Variants in TTLL11 observed in about 807,000 individuals in gnomAD.
The protein encoded by TTLL11 is tubulin polyglutamylase TTLL11.
In TTLL11, 42 loss-of-function variants were observed where a neutral mutation model predicts 51.7. That is an observed-to-expected ratio of 0.81 (90% CI 0.64 to 1.05). The LOEUF (loss-of-function observed/expected upper bound fraction) is 1.05. Among genes scored for constraint, TTLL11 ranks in the 50% least tolerant of loss-of-function variants. TTLL11 has a pLI of 0.00. For missense variants in TTLL11, 799 were observed against 940.4 expected (o/e 0.85, Z 1.97); for synonymous variants, 381 against 383.5 (o/e 0.99, Z 0.08).
Position 121,819,130 on chromosome 9 carries a change from C to G in TTLL11, c.*3457G>C, listed in dbSNP as rs1836496225. The G allele has an allele frequency of 6.6e-6, 1 of 152,526 alleles. No homozygotes were observed. Among genetic ancestry groups the G allele is most frequent in the Non-Finnish European group, 1.5e-5 (1 of 68,354 alleles). 9.4% of individuals were successfully genotyped at this position (152,526 alleles called of 1,614,324 possible). A position where few individuals can be genotyped will look rare whatever the true frequency, so the allele number is the denominator to read the frequency against. On this transcript the variant is annotated 3_prime_UTR_variant, in exon 9 of 9. Transcript: ENST00000321582. Reference sequence around the variant, plus strand: ...CTCCTGGAGGCCCTGCCTCTGCCCACTGGGAGGGGTCTGTTGGGACCAGCA... The same window carrying G: ...CTCCTGGAGGCCCTGCCTCTGCCCAGTGGGAGGGGTCTGTTGGGACCAGCA...
At chr9:122,025,838 C>G (rs1034555578) in intron 3 of TTLL11, among the ~76,000 whole-genome samples, 3 of 152,106 alleles carry the variant, frequency 2.0e-5, no homozygotes, top group African/African-American at 7.2e-5. Context: ...AAAGACTTAC[C>G]ACAGGTGTTC....
chr9:122,000,922 A>G (rs934879613), intron 3 of TTLL11, among the ~76,000 whole-genome samples: 7 of 152,254 alleles, frequency 4.6e-5, no homozygotes, highest in Admixed American at 3.3e-4. Context: ...GTAATACATA[A>G]CAGTAACAAC....
At chr9:121,826,557 G>GTGTGTGTATATA (rs1189626793) in intron 8 of TTLL11, among the ~76,000 whole-genome samples, 2 of 51,346 alleles carry the variant, frequency 3.9e-5, no homozygotes, top group African/African-American at 1.4e-4. Flanking sequence ...ATATGTGTGT[G>GTGTGTGTATATA]TATATATATA....
chr9:121,929,462 T>C (rs1331812033), intron 6 of TTLL11, among the ~76,000 whole-genome samples: 1 of 151,998 alleles, frequency 6.6e-6, no homozygotes, highest in Non-Finnish European at 1.5e-5. Context: ...AGTTACATAT[T>C]TTATTTTAGG....
At chr9:122,000,017 T>C (rs895996321) in intron 3 of TTLL11, among the ~76,000 whole-genome samples, 12 of 152,198 alleles carry the variant, frequency 7.9e-5, no homozygotes, top group Admixed American at 7.9e-4. Context: ...TATTAATACA[T>C]CTTAATACTT....
chr9:121,860,235 T>C, intron 8 of TTLL11, 102 bp downstream of exon 8: 1 of 851,948 alleles, frequency 1.2e-6, no homozygotes, highest in Non-Finnish European at 1.8e-6. Flanking sequence ...GATGGCATCA[T>C]CTTCTTCCCC....
chr9:122,004,762 G>A (rs1243540360), intron 3 of TTLL11, among the ~76,000 whole-genome samples: 2 of 152,208 alleles, frequency 1.3e-5, no homozygotes, highest in African/African-American at 4.8e-5. Flanking sequence ...CAGCCCCAGG[G>A]CCCAAGTCTT....
Position 122,092,696 on chromosome 9 carries a change from C to A in TTLL11, c.453G>T (p.Lys151Asn). 2 of 1,537,298 alleles carry A rather than the reference C, an allele frequency of 1.3e-6. No homozygotes were observed. ...TCGGGCCGGGCCTCACCTCCTTCCA[C>A]TTGAGCTGGCGGATGCTGATCTTCA... ...DALKISIRQLKWKEFPFGRRL... is the reference protein window; with the variant it reads ...DALKISIRQLNWKEFPFGRRL... Residue 151 changes from lysine to asparagine, a missense_variant, in exon 1 of 9, where the codon AAG (lysine) becomes AAT (asparagine). By Grantham distance (94) the Lys-to-Asn change is moderately conservative. Around this residue, in one of 3 missense-constraint regions of TTLL11, gnomAD observed 468 missense variants for 612.8 expected, o/e 0.76. Transcript: ENST00000321582.
At chr9:121,906,435 C>T (rs1206241740) in intron 6 of TTLL11, among the ~76,000 whole-genome samples, 1 of 152,160 alleles carries the variant, frequency 6.6e-6, no homozygotes, top group Non-Finnish European at 1.5e-5. Context: ...TGCTCATCAC[C>T]AGTGCCTCAT....
intron 6 of TTLL11, among the ~76,000 whole-genome samples, chr9:121,952,305 G>A (rs1442165473): frequency 3.9e-5 from 6 of 152,080 alleles, no homozygotes; most frequent in Admixed American, 3.3e-4. Context: ...AATTAGCCAC[G>A]TGTGGTGGCA....
At chr9:121,861,369 G>A (rs560400560) in intron 7 of TTLL11, among the ~76,000 whole-genome samples, 2 of 152,288 alleles carry the variant, frequency 1.3e-5, no homozygotes, top group South Asian at 2.1e-4. Flanking sequence ...GAGCCACTGT[G>A]CCTGGCCAGG....
chr9:122,083,303 C>T (rs1846045051), intron 1 of TTLL11, among the ~76,000 whole-genome samples: 1 of 152,088 alleles, frequency 6.6e-6, no homozygotes, highest in South Asian at 2.1e-4. Flanking sequence ...ACCACATGCT[C>T]TTTCCCTCCC....
chr9:121,988,036 C>T (rs1842982743), intron 4 of TTLL11, among the ~76,000 whole-genome samples: 2 of 152,090 alleles, frequency 1.3e-5, no homozygotes, highest in Admixed American at 6.5e-5. Context: ...CATGCAAGTA[C>T]CCAAGCCACC....
At chr9:121,984,433 C>T (rs1014745449) in intron 4 of TTLL11, among the ~76,000 whole-genome samples, 45 of 152,122 alleles carry the variant, frequency 3.0e-4, no homozygotes, top group African/African-American at 1.1e-3. Flanking sequence ...TTTGTGCTTA[C>T]AATAATTCTG....
At position 122,025,504 on chromosome 9, in the gene TTLL11, G is replaced by T. The variant is rs1435953609; in HGVS notation, c.693+6219C>A. Among the ~76,000 whole-genome samples, 5 of 152,166 alleles carry T rather than the reference G, an allele frequency of 3.3e-5. No homozygotes were observed. In the East Asian group the frequency reaches 9.6e-4, roughly 29 times the overall value. ...AAAAATTAGCCAGGTGTGGTGGCCT[G>T]TGCCTGTAGTTCCAGCTACTTGGGA... On this transcript the variant is annotated intron_variant, in intron 3 of 8. Coordinates refer to ENST00000321582, the MANE Select transcript of TTLL11 (RefSeq NM_001139442.2).
rs1843062683 is a variant in TTLL11 at position 121,989,909 on chromosome 9, C to T, written c.694-139G>A. The T allele has an allele frequency of 6.8e-7, 1 of 1,468,248 alleles. No individual in the cohort carries two copies. Among genetic ancestry groups the T allele is most frequent in the African/African-American group, 1.4e-5 (1 of 70,926 alleles). The allele number at this position is 1,468,248 out of a possible 1,614,324, so 91.0% of individuals were successfully genotyped here. ...ATCTGAGCAGGGGCTGAGCATCTTC[C>T]ATGGAGATGACACTGCACAAGGTAC... On this transcript the variant is annotated intron_variant, in intron 3 of 8. Transcript: ENST00000321582. The surrounding 1 kb of genome is among the most constrained non-coding windows in gnomAD (Gnocchi z 4.2).
At chr9:122,001,134 C>T (rs1843450351) in intron 3 of TTLL11, among the ~76,000 whole-genome samples, 2 of 152,116 alleles carry the variant, frequency 1.3e-5, no homozygotes, top group African/African-American at 4.8e-5. Flanking sequence ...TCTCACTCGT[C>T]GCCCAGGCTG....
chr9:121,990,235 G>A (rs2131696052), intron 3 of TTLL11, among the ~76,000 whole-genome samples: 1 of 152,372 alleles, frequency 6.6e-6, no homozygotes, highest in Middle Eastern at 3.4e-3. Flanking sequence ...GGGTACAGCA[G>A]TTGCTGAGGG....
At chr9:121,838,571 T>C (rs1837247411) in intron 8 of TTLL11, among the ~76,000 whole-genome samples, 1 of 151,974 alleles carries the variant, frequency 6.6e-6, no homozygotes, top group African/African-American at 2.4e-5. Context: ...ATACAAAAAT[T>C]AGCAGGGCGT....
Sources: allele counts gnomAD v4.1 joint callset (sites outside exome capture counted in the v4.1 genomes callset), GRCh38; gene constraint gnomAD v4.1.1; regional missense constraint gnomAD v4.1.1; non-coding constraint Gnocchi (gnomAD v3.1); transcripts MANE v1.5; gene names NCBI Gene and HGNC (gene_info 2026-07-23, HGNC 2026-07-21).